Variants in PDE4B observed in about 807,000 individuals in gnomAD.
PDE4B encodes phosphodiesterase 4B.
Under a neutral mutation model 82.2 loss-of-function variants are expected in PDE4B, and 20 were observed. That is an observed-to-expected ratio of 0.24 (90% CI 0.17 to 0.35). PDE4B has a LOEUF of 0.35. Among genes scored for constraint, PDE4B ranks in the 10% least tolerant of loss-of-function variants. The probability of loss-of-function intolerance (pLI) is 1.00; values close to 1 mark genes in which losing one functional copy is unlikely to be tolerated. For synonymous variants in PDE4B, 320 were observed against 318.9 expected, an observed-to-expected ratio of 1.00 and a Z score of -0.04; for missense variants, 655 against 907.2, an observed-to-expected ratio of 0.72 and a Z score of 3.57.
chr1:65,978,718 A>C (rs1349699393), intron 3 of PDE4B, among the ~76,000 whole-genome samples: 1 of 152,202 alleles, frequency 6.6e-6, no homozygotes, highest in Non-Finnish European at 1.5e-5. Context: ...GTGTTTTTGG[A>C]CAGTATAAAT....
At chr1:65,835,565 G>A (rs1239643724) in intron 1 of PDE4B, among the ~76,000 whole-genome samples, 1 of 152,162 alleles carries the variant, frequency 6.6e-6, no homozygotes, top group Non-Finnish European at 1.5e-5. Context: ...ATCTTGAGTA[G>A]GTTTCACTGA....
At chr1:66,101,289 C>T (rs1239090657) in intron 3 of PDE4B, among the ~76,000 whole-genome samples, 1 of 152,154 alleles carries the variant, frequency 6.6e-6, no homozygotes, top group Non-Finnish European at 1.5e-5. Context: ...CCACAATAAA[C>T]ATACATGTGC....
chr1:66,189,417 C>T (rs1647526064), intron 3 of PDE4B, among the ~76,000 whole-genome samples: 2 of 152,296 alleles, frequency 1.3e-5, no homozygotes, highest in African/African-American at 4.8e-5. Context: ...GGATAATATC[C>T]TGCAGAGTGT....
At chr1:66,155,544 G>A (rs1570358881) in intron 3 of PDE4B, among the ~76,000 whole-genome samples, 1 of 151,796 alleles carries the variant, frequency 6.6e-6, no homozygotes, top group Admixed American at 6.6e-5. Flanking sequence ...ACATAATCTA[G>A]AGCTGATTTT....
intron 3 of PDE4B, among the ~76,000 whole-genome samples, chr1:66,099,966 T>A (rs1645190176): frequency 6.6e-6 from 1 of 152,148 alleles, no homozygotes; most frequent in African/African-American, 2.4e-5. Flanking sequence ...ATCAAAGAAG[T>A]CTTCCCTGGC....
intron 3 of PDE4B, among the ~76,000 whole-genome samples, chr1:66,164,755 C>CTTTTTTTTT (rs145224852): frequency 1.0e-4 from 9 of 87,866 alleles, no homozygotes; most frequent in Non-Finnish European, 1.5e-4. Context: ...CTTTTCTTTT[C>CTTTTTTTTT]TTTTTTTTTT....
chr1:66,085,336 CAG>C (rs1457168644), intron 3 of PDE4B, among the ~76,000 whole-genome samples: 2 of 152,124 alleles, frequency 1.3e-5, no homozygotes, highest in Admixed American at 6.5e-5. Context: ...ACATTGGACA[CAG>C]AGCAATTTTA....
intron 8 of PDE4B, 144 bp from the exon 9 acceptor site, chr1:66,355,383 A>G: frequency 2.1e-6 from 1 of 465,536 alleles, no homozygotes; most frequent in Non-Finnish European, 3.9e-6. Flanking sequence ...AATTGAAGAG[A>G]TATATTTTGT....
intron 3 of PDE4B, among the ~76,000 whole-genome samples, chr1:66,157,116 C>T (rs1646516455): frequency 6.6e-6 from 1 of 152,210 alleles, no homozygotes. Flanking sequence ...AATGCCAGTG[C>T]TCCCCTTCTC....
chr1:65,949,352 A>G (rs12729364), intron 3 of PDE4B, among the ~76,000 whole-genome samples: 34,369 of 152,022 alleles, frequency 0.23, 4,388 homozygotes, highest in East Asian at 0.4. Flanking sequence ...CATTTGCTAC[A>G]GCAATTCTGG....
At chr1:65,830,348 G>T (rs1646068474) in intron 1 of PDE4B, among the ~76,000 whole-genome samples, 1 of 152,088 alleles carries the variant, frequency 6.6e-6, no homozygotes, top group African/African-American at 2.4e-5. Flanking sequence ...AACTCTCTCT[G>T]CCTTGAGTGT....
At chr1:66,145,033 A>G (rs557705767) in intron 3 of PDE4B, among the ~76,000 whole-genome samples, 1 of 152,364 alleles carries the variant, frequency 6.6e-6, no homozygotes, top group East Asian at 1.9e-4. Flanking sequence ...TTATGCCTTG[A>G]TGAACCTATG....
At chr1:66,279,086 C>T (rs933621669) in intron 7 of PDE4B, among the ~76,000 whole-genome samples, 3 of 152,168 alleles carry the variant, frequency 2.0e-5, no homozygotes, top group African/African-American at 7.2e-5. Context: ...ATGCTCTTCA[C>T]ACTTCCAAAC....
At chr1:65,886,809 C>T (rs550278640) in intron 1 of PDE4B, among the ~76,000 whole-genome samples, 4 of 152,264 alleles carry the variant, frequency 2.6e-5, no homozygotes, top group African/African-American at 9.6e-5. Flanking sequence ...CATATCTTTG[C>T]TATTGTGAAC....
chr1:66,336,118 C>T (rs1487522541), intron 8 of PDE4B, among the ~76,000 whole-genome samples: 4 of 152,214 alleles, frequency 2.6e-5, no homozygotes, highest in Non-Finnish European at 5.9e-5. Context: ...TCTTCCTGAC[C>T]TTCACTGTGG....
chr1:66,244,145 A>G (rs1653111057), intron 3 of PDE4B, among the ~76,000 whole-genome samples: 2 of 152,202 alleles, frequency 1.3e-5, no homozygotes, highest in Admixed American at 6.5e-5. Flanking sequence ...TGATACAGCA[A>G]CTGAATGAAG....
intron 9 of PDE4B, among the ~76,000 whole-genome samples, chr1:66,356,387 G>A (rs184896456): frequency 6.6e-5 from 10 of 152,300 alleles, no homozygotes; most frequent in South Asian, 6.2e-4. Context: ...TTTGTCTAAC[G>A]AACCTATTTG....
chr1:66,015,505 C>T (rs1392816), intron 3 of PDE4B, among the ~76,000 whole-genome samples: 50,674 of 151,742 alleles, frequency 0.33, 8,859 homozygotes, highest in Middle Eastern at 0.51. Context: ...AGGGAAACTT[C>T]GTTGCAGAGG....
intron 3 of PDE4B, among the ~76,000 whole-genome samples, chr1:65,981,575 G>A (rs1650692754): frequency 6.7e-6 from 1 of 150,246 alleles, no homozygotes; most frequent in Non-Finnish European, 1.5e-5. Context: ...AAAGTATAGT[G>A]GATTAAAGCC....
Sources: allele counts gnomAD v4.1 joint callset (sites outside exome capture counted in the v4.1 genomes callset), GRCh38; gene constraint gnomAD v4.1.1; transcripts MANE v1.5; gene names NCBI Gene and HGNC (gene_info 2026-07-23, HGNC 2026-07-21).